RIT2: variants seen among roughly 807,000 people sequenced by gnomAD.
The protein encoded by RIT2 is Ras like without CAAX 2, also known as GTP-binding protein Rit2.
A neutral mutation model predicts 23.7 loss-of-function variants in RIT2; 24 were observed. That is an observed-to-expected ratio of 1.01 (90% CI 0.73 to 1.43). RIT2 has a LOEUF of 1.43. RIT2 is among the 40% of genes most tolerant of loss of function. The pLI is 0.00. For synonymous variants in RIT2, 107 were observed against 91.1 expected (o/e 1.17, Z -0.99); for missense variants, 236 against 266.9 (o/e 0.88, Z 0.81).
At chr18:42,946,317 C>G (rs1481977012) in intron 3 of RIT2, among the ~76,000 whole-genome samples, 1 of 151,980 alleles carries the variant, frequency 6.6e-6, no homozygotes, top group Non-Finnish European at 1.5e-5. Flanking sequence ...GTTCTGAAAA[C>G]CACACGTTTA....
chr18:42,777,034 A>C (rs1028416186), intron 4 of RIT2, among the ~76,000 whole-genome samples: 1 of 152,164 alleles, frequency 6.6e-6, no homozygotes, highest in Non-Finnish European at 1.5e-5. Flanking sequence ...ATTTTGCAAT[A>C]CTTTGAACAT....
chr18:43,072,236 T>G (rs745683052), intron 1 of RIT2, among the ~76,000 whole-genome samples: 4 of 152,120 alleles, frequency 2.6e-5, no homozygotes, highest in Non-Finnish European at 5.9e-5. Context: ...TTCACCCACC[T>G]CAGCCTCCCA....
chr18:42,950,496 G>A, intron 3 of RIT2, among the ~76,000 whole-genome samples: 1 of 152,018 alleles, frequency 6.6e-6, no homozygotes, highest in South Asian at 2.1e-4. Flanking sequence ...AAGAATTTAT[G>A]ACTAAGTCCC....
At chr18:42,792,144 G>C (rs1914057642) in intron 4 of RIT2, among the ~76,000 whole-genome samples, 1 of 152,058 alleles carries the variant, frequency 6.6e-6, no homozygotes, top group Non-Finnish European at 1.5e-5. Flanking sequence ...ATTTAACCTT[G>C]GTTCCAACTA....
At chr18:42,970,802 A>AT (rs2144199802) in intron 3 of RIT2, among the ~76,000 whole-genome samples, 2 of 151,930 alleles carry the variant, frequency 1.3e-5, no homozygotes, top group Non-Finnish European at 2.9e-5. Flanking sequence ...AAAAATACAC[A>AT]TTTTTTCCTG....
At chr18:42,795,933 G>T (rs1300481145) in intron 4 of RIT2, among the ~76,000 whole-genome samples, 1 of 152,050 alleles carries the variant, frequency 6.6e-6, no homozygotes, top group Non-Finnish European at 1.5e-5. Flanking sequence ...AAACCTTTGT[G>T]TCTAGCCCAG....
intron 3 of RIT2, among the ~76,000 whole-genome samples, chr18:42,941,380 C>T (rs1187438705): frequency 6.6e-6 from 1 of 151,824 alleles, no homozygotes; most frequent in Non-Finnish European, 1.5e-5. Flanking sequence ...CATAATTTTA[C>T]TTATTTTTCT....
At chr18:42,891,419 A>C (rs1403422467) in intron 4 of RIT2, among the ~76,000 whole-genome samples, 7 of 152,186 alleles carry the variant, frequency 4.6e-5, no homozygotes, top group Non-Finnish European at 1.5e-5. Context: ...TTTATATAGA[A>C]AATAAAAATG....
rs145462847 is a variant in RIT2, at chr18:42,759,814, G to A, written c.427-16094C>T. On this transcript the variant is annotated intron_variant, in intron 4 of 4. Transcript: ENST00000326695. ...TTTTCAAGCCCGAGTTTTGCTCTTA[G>A]TTGCCCAGGCTGGAGTGCAATGGCA... Among the ~76,000 whole-genome samples the A allele has an allele frequency of 3.6e-3, 535 of 148,418 alleles. 5 individuals are homozygous for A. The highest frequency in any genetic ancestry group is 0.013 in the African/African-American group (522 of 39,982).
At chr18:43,113,370 C>T (rs908208736) in intron 1 of RIT2, among the ~76,000 whole-genome samples, 4 of 152,134 alleles carry the variant, frequency 2.6e-5, no homozygotes, top group South Asian at 2.1e-4. Flanking sequence ...GCTGTTTATA[C>T]TCCTTATCCT....
At chr18:43,024,627 A>G (rs1911668173) in intron 2 of RIT2, among the ~76,000 whole-genome samples, 1 of 152,010 alleles carries the variant, frequency 6.6e-6, no homozygotes, top group Non-Finnish European at 1.5e-5. Flanking sequence ...TGAACAGACA[A>G]CCTGCAGGAC....
chr18:42,933,550 GCTCATGATAATGAGTGAGTT>G (rs1909379151), intron 3 of RIT2, among the ~76,000 whole-genome samples: 1 of 151,982 alleles, frequency 6.6e-6, no homozygotes, highest in African/African-American at 2.4e-5. Context: ...ATGAGTGAGT[GCTCATGATAATGAGTGAGTT>G]CTCATGAAAT....
rs182969709 is a variant in RIT2 at position 42,951,493 on chromosome 18, C to A, written c.234+22581G>T. On this transcript the variant is annotated intron_variant, in intron 3 of 4. Coordinates refer to ENST00000326695, the MANE Select transcript of RIT2 (RefSeq NM_002930.4). ...CTGGATGCTATTCTCTGTACCTGGG[C>A]GATGGGATAATTCATACTCCAAACC... 3.3e-5 allele frequency among the ~76,000 whole-genome samples: 5 copies of A among 151,790 alleles called. No homozygotes were observed. In the East Asian group the frequency reaches 7.8e-4, roughly 24 times the overall value.
chr18:42,891,532 G>T (rs1010700547), intron 4 of RIT2, among the ~76,000 whole-genome samples: 2 of 152,194 alleles, frequency 1.3e-5, no homozygotes, highest in East Asian at 3.9e-4. Flanking sequence ...ACAAACCATG[G>T]TATATCCAGA....
At chr18:42,753,441 G>A (rs1913092482) in intron 4 of RIT2, among the ~76,000 whole-genome samples, 1 of 152,134 alleles carries the variant, frequency 6.6e-6, no homozygotes, top group Non-Finnish European at 1.5e-5. Context: ...GCAGAAAGAT[G>A]GGTCTGGCTC....
At chr18:42,907,902 G>T (rs1369945049) in intron 4 of RIT2, among the ~76,000 whole-genome samples, 1 of 151,718 alleles carries the variant, frequency 6.6e-6, no homozygotes, top group Non-Finnish European at 1.5e-5. Context: ...GGTTGCTTGA[G>T]CCCAAGATAT....
chr18:43,032,930 TGGGTG>T (rs1226174990), intron 2 of RIT2, among the ~76,000 whole-genome samples: 6 of 151,990 alleles, frequency 3.9e-5, no homozygotes, highest in Admixed American at 3.9e-4. Context: ...ATCTTACCCA[TGGGTG>T]GGGTGAGGAT....
intron 4 of RIT2, among the ~76,000 whole-genome samples, chr18:42,801,351 T>C (rs921893104): frequency 6.6e-6 from 1 of 152,238 alleles, no homozygotes; most frequent in African/African-American, 2.4e-5. Flanking sequence ...ATGTATTCTA[T>C]TGGATTAACA....
chr18:43,066,223 A>G (rs1387230384), intron 1 of RIT2, among the ~76,000 whole-genome samples: 1 of 152,182 alleles, frequency 6.6e-6, no homozygotes, highest in Admixed American at 6.6e-5. Context: ...ACTGAAACCA[A>G]GTGGTAAGTC....
Sources: gnomAD v4.1 joint callset for allele counts (sites outside exome capture counted in the v4.1 genomes callset) on GRCh38, gnomAD v4.1.1 for gene constraint, MANE v1.5 for transcripts, NCBI Gene and HGNC (gene_info 2026-07-23, HGNC 2026-07-21) for gene names.